Variants in SORCS1 observed in about 807,000 individuals in gnomAD.
SORCS1 encodes sortilin related VPS10 domain containing receptor 1.
Under a neutral mutation model 146.1 loss-of-function variants are expected in SORCS1, and 60 were observed. That is an observed-to-expected ratio of 0.41 (90% confidence interval 0.33 to 0.51). The LOEUF (loss-of-function observed/expected upper bound fraction) is 0.51. Among genes scored for constraint, SORCS1 ranks in the 20% least tolerant of loss-of-function variants. SORCS1 has a pLI of 0.21. For synonymous variants in SORCS1, 637 were observed against 584.0 expected, an observed-to-expected ratio of 1.09 and a Z score of -1.31; for missense variants, 1,352 against 1,487.6, an observed-to-expected ratio of 0.91 and a Z score of 1.50.
At chr10:106,815,471 G>A (rs1947693276) in intron 3 of SORCS1, among the ~76,000 whole-genome samples, 1 of 152,140 alleles carries the variant, frequency 6.6e-6, no homozygotes, top group African/African-American at 2.4e-5. Flanking sequence ...TGAACCATGG[G>A]CAAAACTTTG....
chr10:106,789,117 T>C (rs1946196273), intron 3 of SORCS1, among the ~76,000 whole-genome samples: 1 of 152,162 alleles, frequency 6.6e-6, no homozygotes, highest in African/African-American at 2.4e-5. Context: ...GTGGTCCCTT[T>C]CAGCCACGCC....
chr10:106,860,567 C>A (rs1390703142), intron 2 of SORCS1, among the ~76,000 whole-genome samples: 5 of 152,172 alleles, frequency 3.3e-5, no homozygotes, highest in Non-Finnish European at 7.3e-5. Flanking sequence ...GAGACCAAGA[C>A]TTAAGGAAGA....
At chr10:106,801,385 T>C (rs1946863808) in intron 3 of SORCS1, among the ~76,000 whole-genome samples, 1 of 152,148 alleles carries the variant, frequency 6.6e-6, no homozygotes, top group African/African-American at 2.4e-5. Flanking sequence ...GGTCTATTTT[T>C]TTTACTAATT....
At chr10:107,005,722 A>C (rs1265976548) in intron 1 of SORCS1, among the ~76,000 whole-genome samples, 2 of 152,180 alleles carry the variant, frequency 1.3e-5, no homozygotes, top group Non-Finnish European at 2.9e-5. Context: ...ATCATGGGGA[A>C]ATTTTATTTA....
At chr10:106,611,396 T>A (rs1307225615) in intron 22 of SORCS1, among the ~76,000 whole-genome samples, 1 of 152,020 alleles carries the variant, frequency 6.6e-6, no homozygotes, top group Non-Finnish European at 1.5e-5. Flanking sequence ...GTACAGAAAT[T>A]TCTTTAAAAA....
chr10:106,840,653 T>C (rs964279472), intron 2 of SORCS1, among the ~76,000 whole-genome samples: 1 of 151,974 alleles, frequency 6.6e-6, no homozygotes, highest in Non-Finnish European at 1.5e-5. Context: ...AAAACAGTAT[T>C]GCATGCTACA....
intron 2 of SORCS1, among the ~76,000 whole-genome samples, chr10:106,888,137 T>C (rs1345926363): frequency 6.6e-6 from 1 of 152,092 alleles, no homozygotes; most frequent in Non-Finnish European, 1.5e-5. Flanking sequence ...TATAGAAAAA[T>C]ATGGAACACA....
At chr10:107,024,260 C>CT (rs1443403681) in intron 1 of SORCS1, among the ~76,000 whole-genome samples, 1 of 151,710 alleles carries the variant, frequency 6.6e-6, no homozygotes, top group Non-Finnish European at 1.5e-5. Context: ...CCAGCACCTT[C>CT]TTCTGGTAAG....
At chr10:106,947,948 C>T (rs1316809393) in intron 2 of SORCS1, among the ~76,000 whole-genome samples, 1 of 151,968 alleles carries the variant, frequency 6.6e-6, no homozygotes, top group South Asian at 2.1e-4. Context: ...GGAAGCAATA[C>T]ATAAGTTAAT....
intron 1 of SORCS1, among the ~76,000 whole-genome samples, chr10:107,143,794 A>G (rs544089326): frequency 8.0e-4 from 121 of 151,694 alleles, no homozygotes; most frequent in African/African-American, 2.8e-3. Context: ...GTGAGCCACC[A>G]CGCCCGGCCT....
intron 2 of SORCS1, among the ~76,000 whole-genome samples, chr10:106,914,211 TA>T (rs1163440624): frequency 6.6e-6 from 1 of 152,226 alleles, no homozygotes; most frequent in Admixed American, 6.5e-5. Context: ...TGCTGGGTTT[TA>T]AAAACAAATT....
intron 2 of SORCS1, among the ~76,000 whole-genome samples, chr10:106,939,877 A>G (rs895141327): frequency 6.6e-6 from 1 of 152,220 alleles, no homozygotes; most frequent in Non-Finnish European, 1.5e-5. Context: ...CTGTTGAGCC[A>G]TGGATACTCG....
At chr10:106,627,499 C>A (rs1848180711) in intron 19 of SORCS1, among the ~76,000 whole-genome samples, 1 of 152,138 alleles carries the variant, frequency 6.6e-6, no homozygotes, top group Non-Finnish European at 1.5e-5. Flanking sequence ...TGCTACTAAT[C>A]ATTAATGTTT....
intron 6 of SORCS1, among the ~76,000 whole-genome samples, chr10:106,709,602 C>A (rs186715577): frequency 8.0e-4 from 121 of 152,190 alleles, no homozygotes; most frequent in African/African-American, 2.7e-3. Flanking sequence ...GCATCCACCA[C>A]AATGCCCGGC....
intron 2 of SORCS1, among the ~76,000 whole-genome samples, chr10:106,850,066 GGA>G (rs1156926502): frequency 6.6e-6 from 1 of 152,138 alleles, no homozygotes; most frequent in East Asian, 1.9e-4. Flanking sequence ...CCCCAGAGGT[GGA>G]GTGTACAGAG....
chr10:107,012,372 C>G (rs981230513), intron 1 of SORCS1, among the ~76,000 whole-genome samples: 48 of 152,140 alleles, frequency 3.2e-4, no homozygotes, highest in African/African-American at 1.1e-3. Context: ...AAAAAAAATT[C>G]ACACAGGGAT....
At chr10:107,025,799 A>AT (rs1219399811) in intron 1 of SORCS1, among the ~76,000 whole-genome samples, 1 of 152,166 alleles carries the variant, frequency 6.6e-6, no homozygotes, top group Non-Finnish European at 1.5e-5. Context: ...CTTTTATGGG[A>AT]TAAAAACAGC....
chr10:106,955,601 A>C (rs1034603674), intron 2 of SORCS1, among the ~76,000 whole-genome samples: 2 of 152,232 alleles, frequency 1.3e-5, no homozygotes, highest in African/African-American at 2.4e-5. Context: ...TACAGTGTGA[A>C]TCCCAAAGAT....
At chr10:107,153,653 T>C (rs1350653133) in intron 1 of SORCS1, among the ~76,000 whole-genome samples, 1 of 152,188 alleles carries the variant, frequency 6.6e-6, no homozygotes, top group African/African-American at 2.4e-5. Context: ...CTCCCAACAA[T>C]AGTGATTAAA....
Sources: gnomAD v4.1 joint callset for allele counts (sites outside exome capture counted in the v4.1 genomes callset) on GRCh38, gnomAD v4.1.1 for gene constraint, MANE v1.5 for transcripts, NCBI Gene and HGNC (gene_info 2026-07-23, HGNC 2026-07-21) for gene names.